Variants in KLF12 observed in about 807,000 individuals in gnomAD.
KLF12 encodes the protein Krueppel-like factor 12.
In KLF12, 9 loss-of-function variants were observed where a neutral mutation model predicts 37.8. The observed-to-expected ratio is 0.24, with a 90% CI of 0.14 to 0.42. The LOEUF is 0.42. Ranked by LOEUF, KLF12 falls within the 10% of genes least tolerant of loss-of-function variation. The pLI is 1.00. For synonymous variants in KLF12, 208 were observed against 202.1 expected (o/e 1.03, Z -0.25); for missense variants, 411 against 516.0 (o/e 0.80, Z 1.97).
chr13:73,856,324 A>G (rs1345284488), intron 3 of KLF12, among the ~76,000 whole-genome samples: 1 of 152,238 alleles, frequency 6.6e-6, no homozygotes, highest in African/African-American at 2.4e-5. Flanking sequence ...CTTATCCATC[A>G]GAAACAAGAA....
chr13:73,743,022 T>A (rs1321308173), intron 6 of KLF12, among the ~76,000 whole-genome samples: 2 of 147,694 alleles, frequency 1.4e-5, no homozygotes, highest in Non-Finnish European at 1.5e-5. Flanking sequence ...TCTTCGGGAT[T>A]AAAAAAAAAA....
chr13:74,177,366 C>T, the KLF12 span, among the ~76,000 whole-genome samples: 1 of 152,062 alleles, frequency 6.6e-6, no homozygotes, highest in African/African-American at 2.4e-5. Flanking sequence ...GAAGGCAAGC[C>T]ACATTTTATA....
At chr13:74,298,156 T>C in the KLF12 span, among the ~76,000 whole-genome samples, 1 of 152,228 alleles carries the variant, frequency 6.6e-6, no homozygotes, top group African/African-American at 2.4e-5. Flanking sequence ...GGTTTTATTA[T>C]ATTGTTGATA....
the KLF12 span, among the ~76,000 whole-genome samples, chr13:74,299,762 C>A: frequency 6.6e-6 from 1 of 152,106 alleles, no homozygotes. Context: ...AAGTAGTGTT[C>A]CTATTTTCTA....
At chr13:73,960,669 T>G (rs939951801) in intron 2 of KLF12, among the ~76,000 whole-genome samples, 1 of 152,182 alleles carries the variant, frequency 6.6e-6, no homozygotes, top group African/African-American at 2.4e-5. Context: ...CTTAAAAATA[T>G]GCAGCTGAAA....
intron 2 of KLF12, among the ~76,000 whole-genome samples, chr13:73,987,955 GC>G (rs1399527279): frequency 2.0e-5 from 3 of 152,108 alleles, no homozygotes; most frequent in Non-Finnish European, 4.4e-5. Flanking sequence ...ACAGATTCTG[GC>G]CGAAATGTAA....
At chr13:73,984,571 T>G (rs1036284101) in intron 2 of KLF12, among the ~76,000 whole-genome samples, 2 of 152,174 alleles carry the variant, frequency 1.3e-5, no homozygotes, top group Non-Finnish European at 2.9e-5. Context: ...ACTCTCATCC[T>G]TCCTTCCCGA....
At chr13:73,762,509 T>C (rs879445045) in intron 6 of KLF12, among the ~76,000 whole-genome samples, 2 of 152,204 alleles carry the variant, frequency 1.3e-5, no homozygotes, top group Non-Finnish European at 2.9e-5. Context: ...GCTTTTCTTC[T>C]TTTCCTGAAC....
chr13:73,774,883 G>A (rs1391053810), intron 5 of KLF12, among the ~76,000 whole-genome samples: 1 of 148,350 alleles, frequency 6.7e-6, no homozygotes. Context: ...GTGTGTGTCT[G>A]TGTGTGCATA....
intron 5 of KLF12, among the ~76,000 whole-genome samples, chr13:73,774,865 G>A (rs1026479206): frequency 1.3e-5 from 2 of 149,996 alleles, no homozygotes; most frequent in African/African-American, 4.9e-5. Context: ...CAAATATAAA[G>A]TATATGTGTG....
At chr13:74,155,525 C>A in the KLF12 span, among the ~76,000 whole-genome samples, 1 of 152,012 alleles carries the variant, frequency 6.6e-6, no homozygotes, top group Non-Finnish European at 1.5e-5. Flanking sequence ...CCATGCCTGG[C>A]TAGATTTTTG....
chr13:73,877,736 T>C (rs1393669863), intron 3 of KLF12, among the ~76,000 whole-genome samples: 1 of 152,170 alleles, frequency 6.6e-6, no homozygotes, highest in Non-Finnish European at 1.5e-5. Flanking sequence ...ACTATTGGCT[T>C]TGTAAAAGTT....
chr13:73,797,983 T>G (rs1213934281), intron 5 of KLF12, among the ~76,000 whole-genome samples: 1 of 152,136 alleles, frequency 6.6e-6, no homozygotes, highest in Non-Finnish European at 1.5e-5. Flanking sequence ...GACTAATAAT[T>G]TACCATATAA....
rs148540594 is a variant in KLF12 at position 74,122,013 on chromosome 13, T to C, written c.-32+11726A>G. 7.5e-4 allele frequency among the ~76,000 whole-genome samples: 114 copies of C among 152,104 alleles called. 5 individuals carry two copies. In the East Asian group the frequency reaches 0.022, roughly 29 times the overall value. ...GACAAAAATGGGGGGGAAAATTAAATCTAGTGAGGAGATTACATGCCTACT... is the reference window on the plus strand; with the variant it reads ...GACAAAAATGGGGGGGAAAATTAAACCTAGTGAGGAGATTACATGCCTACT... On this transcript the variant is annotated intron_variant, in intron 1 of 7. Transcript: ENST00000377669.
the KLF12 span, among the ~76,000 whole-genome samples, chr13:74,301,815 C>G: frequency 6.6e-6 from 1 of 152,128 alleles, no homozygotes; most frequent in African/African-American, 2.4e-5. Flanking sequence ...GGAATCCAAC[C>G]AATCGCAGTA....
Position 74,104,609 on chromosome 13 carries a change from G to A in KLF12, c.-32+29130C>T, listed in dbSNP as rs534688718. 1.2e-3 allele frequency among the ~76,000 whole-genome samples: 184 copies of A among 152,154 alleles called. 1 individual carries two copies. Among genetic ancestry groups the A allele is most frequent in the African/African-American group, 3.9e-3 (161 of 41,510 alleles). ...TGTAACAGACTGAAAATATAATATC[G>A]CTTGAGATAGTATACAATTTCCTGA... On this transcript the variant is annotated intron_variant, in intron 1 of 7. Transcript: ENST00000377669.
intron 1 of KLF12, among the ~76,000 whole-genome samples, chr13:74,077,728 G>C (rs1272180446): frequency 1.3e-5 from 2 of 152,108 alleles, no homozygotes; most frequent in African/African-American, 2.4e-5. Flanking sequence ...AAAAAGTGTT[G>C]AAATTATTTT....
intron 6 of KLF12, among the ~76,000 whole-genome samples, chr13:73,731,536 C>CAAAAA (rs66701744): frequency 0.058 from 6,042 of 103,414 alleles, 674 homozygotes; most frequent in African/African-American, 0.07. Flanking sequence ...GGAAATTAGA[C>CAAAAA]AAAAAAAAAA....
chr13:74,220,402 T>A, the KLF12 span, among the ~76,000 whole-genome samples: 1 of 152,338 alleles, frequency 6.6e-6, no homozygotes, highest in East Asian at 1.9e-4. Flanking sequence ...TTTTATTTAT[T>A]GTTTTAATTG....
Sources: allele counts gnomAD v4.1 joint callset (sites outside exome capture counted in the v4.1 genomes callset), GRCh38; gene constraint gnomAD v4.1.1; transcripts MANE v1.5; gene names NCBI Gene and HGNC (gene_info 2026-07-23, HGNC 2026-07-21).